The following SHANK2 variants were observed in gnomAD, a reference collection of about 807,000 sequenced individuals.
SHANK2 encodes SH3 and multiple ankyrin repeat domains protein 2.
SHANK2 carries 43 observed loss-of-function variants against 133.7 expected under a neutral mutation model. The observed-to-expected ratio is 0.32, with a 90% CI of 0.25 to 0.41. The LOEUF (loss-of-function observed/expected upper bound fraction) is 0.41. Ranked by LOEUF, SHANK2 falls within the 10% of genes least tolerant of loss-of-function variation. SHANK2 has a pLI of 1.00. For synonymous variants in SHANK2, 1,017 were observed against 952.8 expected (o/e 1.07, Z -1.24); for missense variants, 1,994 against 2,235.8 (o/e 0.89, Z 2.18).
At chr11:70,626,626 T>C (rs965212726) in intron 17 of SHANK2, among the ~76,000 whole-genome samples, 1 of 152,226 alleles carries the variant, frequency 6.6e-6, no homozygotes, top group African/African-American at 2.4e-5. Context: ...GCAAGCTTTA[T>C]GCCACAGAGC....
chr11:71,166,778 G>A (rs1233181206), intron 2 of SHANK2, among the ~76,000 whole-genome samples: 1 of 151,014 alleles, frequency 6.6e-6, no homozygotes, highest in African/African-American at 2.4e-5. Flanking sequence ...CCACCACACC[G>A]GGCCCACACT....
intron 10 of SHANK2, among the ~76,000 whole-genome samples, chr11:70,904,948 T>C (rs144086220): frequency 6.6e-6 from 1 of 152,294 alleles, no homozygotes; most frequent in East Asian, 1.9e-4. Context: ...GTAAGTCCAT[T>C]AAACCTTTTT....
At chr11:70,848,510 A>G (rs1156322083) in intron 11 of SHANK2, among the ~76,000 whole-genome samples, 1 of 152,188 alleles carries the variant, frequency 6.6e-6, no homozygotes, top group African/African-American at 2.4e-5. Context: ...GGGCTTTTTT[A>G]TTGCAGGCCT....
intron 17 of SHANK2, among the ~76,000 whole-genome samples, chr11:70,537,500 G>A (rs2059560586): frequency 6.6e-6 from 1 of 152,224 alleles, no homozygotes; most frequent in Non-Finnish European, 1.5e-5. Context: ...CCAAGCCAAG[G>A]AACGCTGGGA....
intron 3 of SHANK2, 65 bp from the exon 4 acceptor site, chr11:71,119,097 GCGCGT>G: frequency 6.9e-7 from 1 of 1,449,850 alleles, no homozygotes; most frequent in Middle Eastern, 1.9e-4. Context: ...CCCATGTGGG[GCGCGT>G]GGTCAGAGAG....
At chr11:71,192,136 C>T (rs1223819051) in intron 2 of SHANK2, among the ~76,000 whole-genome samples, 1 of 152,204 alleles carries the variant, frequency 6.6e-6, no homozygotes, top group Non-Finnish European at 1.5e-5. Flanking sequence ...GCTGGGATTA[C>T]AGGCGTGAGC....
chr11:70,678,507 T>C (rs1395719582), intron 15 of SHANK2, among the ~76,000 whole-genome samples: 7 of 148,818 alleles, frequency 4.7e-5, no homozygotes, highest in African/African-American at 1.7e-4. Context: ...CTCGACCTGC[T>C]CATTTCCAGT....
At chr11:71,070,125 C>G (rs1481893020) in intron 9 of SHANK2, among the ~76,000 whole-genome samples, 2 of 152,204 alleles carry the variant, frequency 1.3e-5, no homozygotes, top group African/African-American at 4.8e-5. Context: ...CACTTACTGG[C>G]ACCTGGAAGA....
chr11:70,600,418 C>CA (rs56103044), intron 17 of SHANK2, among the ~76,000 whole-genome samples: 6,146 of 95,316 alleles, frequency 0.064, 275 homozygotes, highest in East Asian at 0.1. Flanking sequence ...GACTCTGTCT[C>CA]AAAAAAAAAA....
At chr11:70,931,693 T>C (rs1950506926) in intron 10 of SHANK2, among the ~76,000 whole-genome samples, 1 of 152,196 alleles carries the variant, frequency 6.6e-6, no homozygotes, top group African/African-American at 2.4e-5. Context: ...AGGACACAGC[T>C]ATAATTAGAG....
intron 10 of SHANK2, among the ~76,000 whole-genome samples, chr11:70,934,246 C>CAAAA (rs11411212): frequency 1.8e-5 from 2 of 114,024 alleles, no homozygotes; most frequent in Non-Finnish European, 1.8e-5. Flanking sequence ...ACAACACCAC[C>CAAAA]AAAAAAAAAA....
chr11:70,724,367 G>C (rs146577811), intron 14 of SHANK2, among the ~76,000 whole-genome samples: 2 of 152,232 alleles, frequency 1.3e-5, no homozygotes, highest in Non-Finnish European at 2.9e-5. Flanking sequence ...GCTCAGTTAA[G>C]GAAGAACCAT....
At chr11:70,516,278 C>T (rs1310285952) in intron 17 of SHANK2, among the ~76,000 whole-genome samples, 13 of 152,188 alleles carry the variant, frequency 8.5e-5, no homozygotes, top group Non-Finnish European at 1.6e-4. Context: ...AAAGAACAGA[C>T]AAATAGACCA....
chr11:70,914,062 G>A (rs939496186), intron 10 of SHANK2, among the ~76,000 whole-genome samples: 6 of 152,136 alleles, frequency 3.9e-5, no homozygotes, highest in Non-Finnish European at 5.9e-5. Flanking sequence ...ACAGGGCGGC[G>A]GTGGGGGATT....
chr11:71,167,002 G>A (rs1555111014), intron 2 of SHANK2, among the ~76,000 whole-genome samples: 2 of 146,918 alleles, frequency 1.4e-5, no homozygotes, highest in African/African-American at 4.9e-5. Flanking sequence ...TAAGGAGCAT[G>A]CTGCCTTCAA....
intron 14 of SHANK2, among the ~76,000 whole-genome samples, chr11:70,701,761 T>C (rs1945525901): frequency 6.6e-6 from 1 of 152,152 alleles, no homozygotes; most frequent in African/African-American, 2.4e-5. Flanking sequence ...GGAATCCCCC[T>C]GCACAGGCCT....
intron 14 of SHANK2, among the ~76,000 whole-genome samples, chr11:70,709,828 A>G (rs1423284176): frequency 6.6e-6 from 1 of 151,000 alleles, no homozygotes; most frequent in East Asian, 2.0e-4. Flanking sequence ...GAGGCTGGGG[A>G]GAGAGGAGAG....
rs547641787 is a variant in SHANK2, at chr11:70,728,473, G to A, written c.1778-29710C>T. Among the ~76,000 whole-genome samples the A allele has an allele frequency of 1.0e-3, 157 of 152,352 alleles. 1 individual carries two copies. The highest frequency in any genetic ancestry group is 3.5e-3 in the African/African-American group (146 of 41,588). On this transcript the variant is annotated intron_variant, in intron 14 of 25. Transcript: ENST00000601538. ...GGTTCATCACGCAGACTCAGGAAGC[G>A]TCCTGGGCGGAAGCAAAGTCATCCC... is the stretch of plus-strand genomic sequence containing the variant.
intron 17 of SHANK2, among the ~76,000 whole-genome samples, chr11:70,644,591 C>T (rs1591696497): frequency 1.3e-5 from 2 of 152,216 alleles, no homozygotes; most frequent in African/African-American, 4.8e-5. Flanking sequence ...TGGCAGCTCC[C>T]GCCTGCTGCA....
Sources: allele counts gnomAD v4.1 joint callset (sites outside exome capture counted in the v4.1 genomes callset), GRCh38; gene constraint gnomAD v4.1.1; transcripts MANE v1.5; gene names NCBI Gene and HGNC (gene_info 2026-07-23, HGNC 2026-07-21).